Variants in TUSC3 observed in about 807,000 individuals in gnomAD.
TUSC3 encodes dolichyl-diphosphooligosaccharide--protein glycosyltransferase subunit TUSC3.
TUSC3 carries 45 observed loss-of-function variants against 44.8 expected under a neutral mutation model. The ratio of observed to expected loss-of-function variants is 1.00; its 90% CI spans 0.79 to 1.29. The LOEUF (loss-of-function observed/expected upper bound fraction) is 1.29. Among genes scored for constraint, TUSC3 ranks in the 50% most tolerant of loss-of-function variants. TUSC3 has a pLI of 0.00. For synonymous variants in TUSC3, 212 were observed against 152.9 expected (o/e 1.39, Z -2.85); for missense variants, 519 against 437.9 (o/e 1.19, Z -1.65).
At chr8:15,677,805 G>C (rs751113305) in intron 6 of TUSC3, among the ~76,000 whole-genome samples, 1 of 152,190 alleles carries the variant, frequency 6.6e-6, no homozygotes, top group Non-Finnish European at 1.5e-5. Context: ...GGCAGATGCT[G>C]GAGGCACTAA....
downstream of TUSC3, among the ~76,000 whole-genome samples, chr8:15,769,807 C>T (rs1007058620): frequency 5.9e-5 from 9 of 152,086 alleles, no homozygotes; most frequent in African/African-American, 1.7e-4. Context: ...GGCCCACAAA[C>T]GTTAAAGAAA....
rs532937628 is a variant in TUSC3 at position 15,571,219 on chromosome 8, G to T, written c.138+30651G>T. Among the ~76,000 whole-genome samples the T allele has an allele frequency of 4.9e-3, 737 of 151,860 alleles. 8 individuals carry two copies. Among genetic ancestry groups the T allele is most frequent in the Non-Finnish European group, 9.0e-3 (612 of 67,930 alleles). ...TCCACCTGCCTCGGCCTCCCAAAGTGTTGGGATTACAGGCGTGAGCCGCTG... is the reference window on the plus strand; with the variant it reads ...TCCACCTGCCTCGGCCTCCCAAAGTTTTGGGATTACAGGCGTGAGCCGCTG... On this transcript the variant is annotated intron_variant, in intron 1 of 10. Transcript: ENST00000503731.
At chr8:15,542,868 A>G (rs914058790) in intron 1 of TUSC3, among the ~76,000 whole-genome samples, 7 of 152,248 alleles carry the variant, frequency 4.6e-5, no homozygotes, top group Non-Finnish European at 1.0e-4. Flanking sequence ...AGAAAAGAAG[A>G]GCAAAATAAG....
chr8:15,634,914 CTT>C (rs1036390035), intron 2 of TUSC3, among the ~76,000 whole-genome samples: 3 of 152,328 alleles, frequency 2.0e-5, no homozygotes, highest in Admixed American at 6.5e-5. Context: ...ACATCCTTCA[CTT>C]TGGCCTCCGT....
chr8:15,770,571 G>T (rs186234947), downstream of TUSC3, among the ~76,000 whole-genome samples: 14 of 152,090 alleles, frequency 9.2e-5, no homozygotes, highest in Admixed American at 5.9e-4. Context: ...ATTATGAAAA[G>T]GAGTCAAATA....
At chr8:15,840,518 A>G in the TUSC3 span, among the ~76,000 whole-genome samples, 1 of 152,186 alleles carries the variant, frequency 6.6e-6, no homozygotes, top group East Asian at 1.9e-4. Context: ...CAAAGATGAA[A>G]TTATTTTAAA....
intron 1 of TUSC3, among the ~76,000 whole-genome samples, chr8:15,454,163 C>G (rs994630467): frequency 6.6e-6 from 1 of 152,124 alleles, no homozygotes; most frequent in African/African-American, 2.4e-5. Context: ...CACAAGACCC[C>G]GGAAGCATGA....
chr8:15,650,186 A>G (rs1244735012), intron 2 of TUSC3, among the ~76,000 whole-genome samples: 1 of 152,220 alleles, frequency 6.6e-6, no homozygotes, highest in Non-Finnish European at 1.5e-5. Context: ...AATGGAATGA[A>G]TAAGGTGGAG....
At chr8:15,798,477 A>C in the TUSC3 span, among the ~76,000 whole-genome samples, 26 of 152,292 alleles carry the variant, frequency 1.7e-4, no homozygotes, top group Non-Finnish European at 3.2e-4. Flanking sequence ...CTGTCTCCAT[A>C]AAGTCGCTGA....
At chr8:15,782,394 A>G in the TUSC3 span, among the ~76,000 whole-genome samples, 1 of 152,138 alleles carries the variant, frequency 6.6e-6, no homozygotes, top group African/African-American at 2.4e-5. Context: ...CAGGAGAATC[A>G]GTTGGGCTCA....
chr8:15,459,167 T>A (rs1025077617), intron 1 of TUSC3, among the ~76,000 whole-genome samples: 1 of 152,300 alleles, frequency 6.6e-6, no homozygotes, highest in Non-Finnish European at 1.5e-5. Context: ...ATGACAAAGC[T>A]TCATCACTAT....
the TUSC3 span, among the ~76,000 whole-genome samples, chr8:15,802,376 GATTA>G: frequency 6.6e-5 from 10 of 152,170 alleles, no homozygotes; most frequent in Admixed American, 1.3e-4. Flanking sequence ...ACTCCTCAAA[GATTA>G]ATTATGAAAA....
intron 6 of TUSC3, among the ~76,000 whole-genome samples, chr8:15,710,760 G>C (rs1244444634): frequency 1.3e-5 from 2 of 150,322 alleles, no homozygotes; most frequent in East Asian, 1.9e-4. Context: ...TAAATGTGCA[G>C]CTTAGTAATT....
At chr8:15,750,417 G>A (rs1240478594) in intron 9 of TUSC3, among the ~76,000 whole-genome samples, 3 of 152,098 alleles carry the variant, frequency 2.0e-5, no homozygotes. Context: ...GCAATATAAT[G>A]ACTAGGAAAA....
At chr8:15,431,533 C>A (rs930462314) in intron 1 of TUSC3, among the ~76,000 whole-genome samples, 1 of 151,618 alleles carries the variant, frequency 6.6e-6, no homozygotes, top group Non-Finnish European at 1.5e-5. Context: ...GTGTATCCTG[C>A]AGTTTTGCTA....
chr8:15,514,618 T>G (rs916973093), intron 2 of TUSC3, among the ~76,000 whole-genome samples: 1 of 152,228 alleles, frequency 6.6e-6, no homozygotes, highest in African/African-American at 2.4e-5. Context: ...TTGTGTTGTT[T>G]TGGTTTGGCT....
chr8:15,466,193 C>T (rs890787342), intron 1 of TUSC3, among the ~76,000 whole-genome samples: 4 of 152,148 alleles, frequency 2.6e-5, no homozygotes, highest in African/African-American at 9.7e-5. Context: ...CTAAAGGCAG[C>T]ATCTTTTCTG....
intron 6 of TUSC3, among the ~76,000 whole-genome samples, chr8:15,674,797 C>A (rs1189038164): frequency 1.3e-5 from 2 of 152,004 alleles, no homozygotes. Flanking sequence ...TTTTTAAAAT[C>A]TGGCATTATT....
At chr8:15,522,541 CTTT>C (rs78939124) in intron 2 of TUSC3, among the ~76,000 whole-genome samples, 1 of 141,422 alleles carries the variant, frequency 7.1e-6, no homozygotes, top group African/African-American at 2.6e-5. Flanking sequence ...CCTATTCAGC[CTTT>C]TTTTTTTTTT....
Sources: gnomAD v4.1 joint callset for allele counts (sites outside exome capture counted in the v4.1 genomes callset) on GRCh38, gnomAD v4.1.1 for gene constraint, MANE v1.5 for transcripts, NCBI Gene and HGNC (gene_info 2026-07-23, HGNC 2026-07-21) for gene names.